Variants in B4GALT5 observed in about 807,000 individuals in gnomAD.
B4GALT5 encodes UDP-Gal:beta-GlcNAc beta-1,4-galactosyltransferase 5.
A neutral mutation model predicts 45.0 loss-of-function variants in B4GALT5; 11 were observed. The observed-to-expected ratio is 0.24, with a 90% CI of 0.15 to 0.40. The LOEUF (loss-of-function observed/expected upper bound fraction) is 0.40, where lower values mean the gene tolerates loss of function less well. B4GALT5 is among the 10% of genes least tolerant of loss of function. The pLI, the probability that B4GALT5 is intolerant of heterozygous loss-of-function variation, is 1.00. For synonymous variants in B4GALT5, 185 were observed against 182.9 expected (o/e 1.01, Z -0.09); for missense variants, 337 against 500.2 (o/e 0.67, Z 3.11).
chr20:49,710,792 A>C (rs1212410678), intron 1 of B4GALT5, among the ~76,000 whole-genome samples: 2 of 152,122 alleles, frequency 1.3e-5, no homozygotes, highest in African/African-American at 2.4e-5. Context: ...AACACAAAAC[A>C]ACCTTCTATT....
intron 6 of B4GALT5, among the ~76,000 whole-genome samples, chr20:49,640,264 G>GT (rs1249094158): frequency 2.0e-5 from 3 of 152,104 alleles, no homozygotes; most frequent in African/African-American, 4.8e-5. Flanking sequence ...CTTCTTTAAC[G>GT]TAATGTTTTC....
rs1057344841 is a variant in B4GALT5, at chr20:49,636,161, G to A, written c.*151C>T. 6 of 1,019,440 alleles carry A rather than the reference G, an allele frequency of 5.9e-6. No homozygotes were observed. Among genetic ancestry groups the A allele is most frequent in the Non-Finnish European group, 8.5e-6 (6 of 702,612 alleles). 63.1% of individuals were successfully genotyped at this position (1,019,440 alleles called of 1,614,324 possible). On this transcript the variant is annotated 3_prime_UTR_variant, in exon 9 of 9. Coordinates refer to ENST00000371711, the MANE Select transcript of B4GALT5 (RefSeq NM_004776.4). ...ATCCAGTGAAGGCGTTTGTGCGTGTGCTGTCACATTTTCCCCCTGAACTCT... is the reference window on the plus strand; with the variant it reads ...ATCCAGTGAAGGCGTTTGTGCGTGTACTGTCACATTTTCCCCCTGAACTCT...
chr20:49,650,567 G>A (rs971826736), intron 2 of B4GALT5, among the ~76,000 whole-genome samples: 2 of 152,012 alleles, frequency 1.3e-5, no homozygotes, highest in Admixed American at 1.3e-4. Flanking sequence ...AACCCAGGAG[G>A]CAGAGGTTAC....
In B4GALT5 at chr20:49,646,905, G is replaced by C; in HGVS notation, c.364+60C>G. 3 of 1,028,320 alleles carry C rather than the reference G, an allele frequency of 2.9e-6. No individual in the cohort carries two copies. The East Asian group carries it at 7.5e-5, about 26-fold the overall frequency. 63.7% of individuals were successfully genotyped at this position (1,028,320 alleles called of 1,614,324 possible). ...CTCTGCAGGCAGACAGAGAGATCAAGAGTGCCCTCCCCTTTATCCATTTTA... is the reference window on the plus strand; with the variant it reads ...CTCTGCAGGCAGACAGAGAGATCAACAGTGCCCTCCCCTTTATCCATTTTA... On this transcript the variant is annotated intron_variant, in intron 3 of 8. Transcript: ENST00000371711.
intron 1 of B4GALT5, among the ~76,000 whole-genome samples, chr20:49,669,748 C>T (rs1025442873): frequency 6.6e-6 from 1 of 151,480 alleles, no homozygotes; most frequent in Admixed American, 6.6e-5. Context: ...CTGTGATAGC[C>T]GGAGGAGTTG....
In B4GALT5 at chr20:49,713,641, G is replaced by C. The variant is rs1471340989; in HGVS notation, c.50C>G (p.Ala17Gly). The C allele has an allele frequency of 1.9e-6, 3 of 1,576,566 alleles. No homozygotes were observed. Among genetic ancestry groups the C allele is most frequent in the Non-Finnish European group, 1.7e-6 (2 of 1,164,290 alleles). Reference protein sequence around the residue: ...LLRLPRRSLLAALFFFSLSSS... With the variant: ...LLRLPRRSLLGALFFFSLSSS... ...CGAGAGAGAAAAGAAGAAGAGCGCGGCGAGCAGCGAGCGGCGCGGCAGCCG... is the reference window on the plus strand; with the variant it reads ...CGAGAGAGAAAAGAAGAAGAGCGCGCCGAGCAGCGAGCGGCGCGGCAGCCG... The change falls in exon 1 of 9, where the codon GCC (alanine) becomes GGC (glycine). Residue 17 changes from alanine (A) to glycine (G), a missense_variant. Ala to Gly is a moderately conservative substitution (Grantham distance 60). Around this residue, in one of 2 missense-constraint regions of B4GALT5, gnomAD observed 174 missense variants for 207.4 expected, o/e 0.84. Coordinates refer to ENST00000371711, the MANE Select transcript of B4GALT5 (RefSeq NM_004776.4).
rs1219181634 is a variant in B4GALT5 at position 49,663,690 on chromosome 20, A to AAT, written c.116-6990_116-6989dup. The stretch of plus-strand genomic sequence containing the variant: ...TTCATCTCAAGAAAAAAAAAAAAAA[A>AAT]ATATATACATATATATATATATATA... On this transcript the variant is annotated intron_variant, in intron 1 of 8. Transcript: ENST00000371711. Among the ~76,000 whole-genome samples the AAT allele has an allele frequency of 6.1e-4, 59 of 96,938 alleles. 1 individual carries two copies. The highest frequency in any genetic ancestry group is 2.0e-3 in the African/African-American group (44 of 22,430). The allele number at this position is 96,938 out of a possible 152,430, so 63.6% of individuals were successfully genotyped here.
chr20:49,673,387 A>C (rs2085724121), intron 1 of B4GALT5, among the ~76,000 whole-genome samples: 1 of 151,968 alleles, frequency 6.6e-6, no homozygotes, highest in Non-Finnish European at 1.5e-5. Context: ...CTCAAAAAAA[A>C]AACAACCAGA....
intron 1 of B4GALT5, among the ~76,000 whole-genome samples, chr20:49,684,341 TCA>T (rs1179022988): frequency 1.3e-5 from 2 of 151,988 alleles, no homozygotes. Flanking sequence ...GGCAGGCGGA[TCA>T]CAAGGTCAGG....
chr20:49,704,444 GCGCGGTGGCTCA>G (rs1179831779), intron 1 of B4GALT5, among the ~76,000 whole-genome samples: 1 of 152,144 alleles, frequency 6.6e-6, no homozygotes, highest in African/African-American at 2.4e-5. Context: ...TTGCGGCCGG[GCGCGGTGGCTCA>G]CGCCTGTAAT....
At position 49,656,456 on chromosome 20, in the gene B4GALT5, C is replaced by G. The variant is rs2085643321; in HGVS notation, c.250+112G>C. The G allele has an allele frequency of 2.1e-6, 3 of 1,398,990 alleles. No homozygotes were observed. In the East Asian group the frequency reaches 6.9e-5, roughly 32 times the overall value. 86.7% of individuals were successfully genotyped at this position (1,398,990 alleles called of 1,614,324 possible). On this transcript the variant is annotated intron_variant, in intron 2 of 8. Transcript: ENST00000371711. ...TTTTAGCAGTAAAGTAAAACTCAGC[C>G]AAATCCCTCTTTTACAATGCGCTTT... is the stretch of plus-strand genomic sequence containing the variant.
In B4GALT5 at chr20:49,636,118, C is replaced by T. The variant is rs947436821; in HGVS notation, c.*194G>A. 6 of 670,168 alleles carry T rather than the reference C, an allele frequency of 9.0e-6. No individual in the cohort carries two copies. The South Asian group carries it at 1.2e-4, about 13-fold the overall frequency. The allele number at this position is 670,168 out of a possible 1,614,324, so 41.5% of individuals were successfully genotyped here. A position where few individuals can be genotyped will look rare whatever the true frequency, so the allele number is the denominator to read the frequency against. On this transcript the variant is annotated 3_prime_UTR_variant, in exon 9 of 9. Transcript: ENST00000371711. ...ACGAAGGAAGTCCCCAAGCTCACTCCCTCAGTTCCAGCGGCTGATCCAGTG... is the reference window on the plus strand; with the variant it reads ...ACGAAGGAAGTCCCCAAGCTCACTCTCTCAGTTCCAGCGGCTGATCCAGTG...
intron 3 of B4GALT5, 61 bp from the exon 4 acceptor site, chr20:49,643,711 G>A: frequency 1.3e-6 from 2 of 1,570,050 alleles, no homozygotes; most frequent in African/African-American, 1.4e-5. Flanking sequence ...CCCTATGCCT[G>A]GGGTTTTAGT....
chr20:49,706,509 C>T (rs2085884608), intron 1 of B4GALT5, among the ~76,000 whole-genome samples: 1 of 152,168 alleles, frequency 6.6e-6, no homozygotes, highest in East Asian at 1.9e-4. Flanking sequence ...TCTCCCATAA[C>T]TGATAACATG....
rs146809346 is a variant in B4GALT5, at chr20:49,691,475, T to C, written c.115+22101A>G. 8.6e-3 allele frequency among the ~76,000 whole-genome samples: 1,314 copies of C among 152,132 alleles called. 12 individuals carry two copies. The highest frequency in any genetic ancestry group is 0.013 in the Non-Finnish European group (863 of 67,960). ...GGTTCAAGGCTGCAGTGAGCCATGATTGCCACACTGCACTCCAGCCTGAGT... is the reference window on the plus strand; with the variant it reads ...GGTTCAAGGCTGCAGTGAGCCATGACTGCCACACTGCACTCCAGCCTGAGT... On this transcript the variant is annotated intron_variant, in intron 1 of 8. Transcript: ENST00000371711.
chr20:49,703,100 G>C (rs2085869403), intron 1 of B4GALT5, among the ~76,000 whole-genome samples: 1 of 150,116 alleles, frequency 6.7e-6, no homozygotes, highest in Non-Finnish European at 1.5e-5. Context: ...CACGAACCCG[G>C]GAGGCGGAGC....
intron 1 of B4GALT5, among the ~76,000 whole-genome samples, chr20:49,677,511 AT>A (rs1485194433): frequency 1.3e-5 from 2 of 152,228 alleles, no homozygotes; most frequent in East Asian, 3.8e-4. Flanking sequence ...TTTGTTGGTA[AT>A]TATGTTAAAG....
At chr20:49,664,734 TATTCTC>T (rs1461495623) in intron 1 of B4GALT5, among the ~76,000 whole-genome samples, 1 of 152,208 alleles carries the variant, frequency 6.6e-6, no homozygotes, top group East Asian at 1.9e-4. Flanking sequence ...ATAATGCGCT[TATTCTC>T]AGGAGATGTA....
Position 49,637,427 on chromosome 20 carries a change from G to C in B4GALT5, c.933C>G (p.Gly311=), listed in dbSNP as rs1290456778. The part of the protein sequence containing the change: ...DDLWNRVQNA[G]YSVSRPEGDT... ...CACCCTCTGGCCGGCTCACAGAATAGCCTGCATTCTGTACTCTGTCCAAGA... is the reference window on the plus strand; with the variant it reads ...CACCCTCTGGCCGGCTCACAGAATACCCTGCATTCTGTACTCTGTCCAAGA... The change falls in exon 8 of 9, where the codon GGC becomes GGG. Residue 311 remains glycine (G), a synonymous_variant. Coordinates refer to ENST00000371711, the MANE Select transcript of B4GALT5 (RefSeq NM_004776.4). 6.2e-7 allele frequency: 1 copy of C among 1,613,544 alleles called. No homozygotes were observed. Among genetic ancestry groups the C allele is most frequent in the East Asian group, 2.2e-5 (1 of 44,880 alleles).
Sources: allele counts gnomAD v4.1 joint callset (sites outside exome capture counted in the v4.1 genomes callset), GRCh38; gene constraint gnomAD v4.1.1; regional missense constraint gnomAD v4.1.1; transcripts MANE v1.5; gene names NCBI Gene and HGNC (gene_info 2026-07-23, HGNC 2026-07-21).